Variants in PGAP1 observed in about 807,000 individuals in gnomAD.
The protein encoded by PGAP1 is GPI inositol-deacylase.
Under a neutral mutation model 127.0 loss-of-function variants are expected in PGAP1, and 76 were observed. The ratio of observed to expected loss-of-function variants is 0.60; its 90% CI spans 0.50 to 0.72. The LOEUF (loss-of-function observed/expected upper bound fraction) is 0.72. Among genes scored for constraint, PGAP1 ranks in the 30% least tolerant of loss-of-function variants. The probability of loss-of-function intolerance (pLI) is 0.00; values close to 1 mark genes in which losing one functional copy is unlikely to be tolerated. For missense variants in PGAP1, 982 were observed against 1,071.3 expected (o/e 0.92, Z 1.16); for synonymous variants, 362 against 366.5 (o/e 0.99, Z 0.14).
chr2:196,858,197 C>A (rs896085531), intron 20 of PGAP1, among the ~76,000 whole-genome samples: 1 of 151,904 alleles, frequency 6.6e-6, no homozygotes, highest in Non-Finnish European at 1.5e-5. Context: ...GTCAGGAGAT[C>A]GAGACCATCC....
At chr2:196,918,654 A>G (rs1389952091) in intron 2 of PGAP1, among the ~76,000 whole-genome samples, 1 of 152,154 alleles carries the variant, frequency 6.6e-6, no homozygotes, top group African/African-American at 2.4e-5. Flanking sequence ...TTAAAACTAC[A>G]AAGAAAGTTA....
intron 20 of PGAP1, among the ~76,000 whole-genome samples, chr2:196,861,687 C>G (rs1173938266): frequency 3.3e-5 from 5 of 152,040 alleles, no homozygotes; most frequent in Admixed American, 3.3e-4. Flanking sequence ...AAGTCAGGGA[C>G]CCCAAATGGA....
At chr2:196,870,217 T>G (rs1474060324) in intron 19 of PGAP1, among the ~76,000 whole-genome samples, 1 of 152,206 alleles carries the variant, frequency 6.6e-6, no homozygotes, top group South Asian at 2.1e-4. Flanking sequence ...AACATTCATT[T>G]ATATGGCAGA....
Position 196,835,449 on chromosome 2 carries a change from GA to G in PGAP1, c.*5784del, listed in dbSNP as rs1700213339. 6.6e-6 allele frequency: 1 copy of G among 151,964 alleles called. No homozygotes were observed. The highest frequency in any genetic ancestry group is 2.4e-5 in the African/African-American group (1 of 41,434). 9.4% of individuals were successfully genotyped at this position (151,964 alleles called of 1,614,324 possible). On this transcript the variant is annotated 3_prime_UTR_variant, in exon 27 of 27. Coordinates refer to ENST00000354764, the MANE Select transcript of PGAP1 (RefSeq NM_024989.4). ...GATTACTTCAAATAATTATTTCAAT[GA>G]ATTGCTGAAAGATCATTACTAGGCA... is the stretch of plus-strand genomic sequence containing the variant.
intron 1 of PGAP1, among the ~76,000 whole-genome samples, chr2:196,925,815 T>A (rs1703341249): frequency 6.6e-6 from 1 of 152,068 alleles, no homozygotes; most frequent in Non-Finnish European, 1.5e-5. Flanking sequence ...GCACGGCCCC[T>A]TAACCTGCAA....
At chr2:196,916,738 AT>A in intron 2 of PGAP1, 145 bp from the exon 3 acceptor site, 1 of 715,046 alleles carries the variant, frequency 1.4e-6, no homozygotes, top group Non-Finnish European at 2.1e-6. Flanking sequence ...AATAGCACCA[AT>A]TTAGAACAAA....
intron 12 of PGAP1, among the ~76,000 whole-genome samples, chr2:196,882,178 T>C (rs190338495): frequency 5.0e-4 from 76 of 152,298 alleles, no homozygotes; most frequent in Admixed American, 1.2e-3. Flanking sequence ...GCTTTATTTC[T>C]GGGTTCTCTA....
At chr2:196,844,138 T>C in intron 24 of PGAP1, 63 bp from the exon 25 acceptor site, 4 of 973,464 alleles carry the variant, frequency 4.1e-6, no homozygotes, top group East Asian at 5.7e-5. Context: ...TTATTTAGAA[T>C]CATACTCATT....
rs1700307696 is a variant in PGAP1 at position 196,838,786 on chromosome 2, T to A, written c.*2448A>T. ...ACGGCTGGGCGTGGTGGCTCACGCC[T>A]GTAATCCCAGCACTTTGGGGAGGCA... On this transcript the variant is annotated 3_prime_UTR_variant, in exon 27 of 27. Coordinates refer to ENST00000354764, the MANE Select transcript of PGAP1 (RefSeq NM_024989.4). The A allele has an allele frequency of 6.6e-6, 1 of 152,294 alleles. No individual in the cohort carries two copies. Among genetic ancestry groups the A allele is most frequent in the Admixed American group, 6.5e-5 (1 of 15,286 alleles). The allele number at this position is 152,294 out of a possible 1,614,324, so 9.4% of individuals were successfully genotyped here.
chr2:196,854,043 C>T (rs180782779), intron 20 of PGAP1, among the ~76,000 whole-genome samples: 8 of 151,000 alleles, frequency 5.3e-5, no homozygotes, highest in South Asian at 2.1e-4. Context: ...GGTGTATGTA[C>T]GCCACCACAT....
At chr2:196,851,056 G>A (rs188085881) in intron 20 of PGAP1, among the ~76,000 whole-genome samples, 4 of 151,994 alleles carry the variant, frequency 2.6e-5, no homozygotes, top group African/African-American at 9.6e-5. Flanking sequence ...AAATTATAAG[G>A]GGAGAAAAAG....
intron 1 of PGAP1, chr2:196,922,688 T>C (rs1337613579): frequency 2.4e-6 from 1 of 421,252 alleles, no homozygotes; most frequent in Non-Finnish European, 3.2e-6. Context: ...TTTTTTTTTT[T>C]TTTTTTTTTG....
Position 196,843,781 on chromosome 2 carries a change from C to T in PGAP1, c.2525+107G>A, listed in dbSNP as rs1017068567. The stretch of plus-strand genomic sequence containing the variant: ...ATAAATTTCAGGTAATGTATAGCTT[C>T]CTGTTCCTGAGGAATTTTCATTAAC... On this transcript the variant is annotated intron_variant, in intron 25 of 26. Transcript: ENST00000354764. 16 of 584,554 alleles carry T rather than the reference C, an allele frequency of 2.7e-5. No individual in the cohort carries two copies. The African/African-American group carries it at 2.9e-4, about 11-fold the overall frequency. The allele number at this position is 584,554 out of a possible 1,614,324, so 36.2% of individuals were successfully genotyped here.
At chr2:196,887,318 A>G (rs1283038935) in intron 10 of PGAP1, among the ~76,000 whole-genome samples, 1 of 152,178 alleles carries the variant, frequency 6.6e-6, no homozygotes, top group Non-Finnish European at 1.5e-5. Flanking sequence ...TGGGAGGCGG[A>G]GCTTGCAGTG....
intron 20 of PGAP1, among the ~76,000 whole-genome samples, chr2:196,850,170 C>T (rs925713501): frequency 1.3e-5 from 2 of 152,218 alleles, no homozygotes; most frequent in African/African-American, 2.4e-5. Context: ...TAGGTTTGTT[C>T]CTTCTCTTGT....
At position 196,872,440 on chromosome 2, in the gene PGAP1, C is replaced by T. The variant is rs1701436311; in HGVS notation, c.1728+1G>A. On this transcript the variant is annotated splice_donor_variant, in intron 18 of 26. Coordinates refer to ENST00000354764, the MANE Select transcript of PGAP1 (RefSeq NM_024989.4). LOFTEE classifies it high-confidence loss of function. ...AAAAATTAATCAAACATACAACTTACCTCGTACCGACAGTCTGATGACGTG... is the reference window on the plus strand; with the variant it reads ...AAAAATTAATCAAACATACAACTTATCTCGTACCGACAGTCTGATGACGTG... 1 of 1,584,640 alleles carries T rather than the reference C, an allele frequency of 6.3e-7. No homozygotes were observed. Among genetic ancestry groups the T allele is most frequent in the Non-Finnish European group, 8.7e-7 (1 of 1,153,862 alleles).
chr2:196,846,058 A>T (rs1025514808), intron 22 of PGAP1, 41 bp from the exon 23 acceptor site: 17 of 1,244,866 alleles, frequency 1.4e-5, no homozygotes, highest in Non-Finnish European at 1.9e-5. Context: ...ATATTAACAA[A>T]TATTTATATA....
intron 13 of PGAP1, chr2:196,877,639 A>C (rs1701607797): frequency 6.6e-6 from 1 of 152,148 alleles, no homozygotes; most frequent in African/African-American, 2.4e-5. Flanking sequence ...TACTTGAGCT[A>C]AGCAAAACAG....
At chr2:196,900,261 A>T (rs1363181328) in intron 5 of PGAP1, among the ~76,000 whole-genome samples, 1 of 152,188 alleles carries the variant, frequency 6.6e-6, no homozygotes, top group Non-Finnish European at 1.5e-5. Context: ...CCACCAACCT[A>T]AATATCCACC....
Sources: gnomAD v4.1 joint callset for allele counts (sites outside exome capture counted in the v4.1 genomes callset) on GRCh38, gnomAD v4.1.1 for gene constraint, MANE v1.5 for transcripts, NCBI Gene and HGNC (gene_info 2026-07-23, HGNC 2026-07-21) for gene names.